Variants in KIFBP observed in about 807,000 individuals in gnomAD.
KIFBP encodes KIF-binding protein.
A neutral mutation model predicts 58.9 loss-of-function variants in KIFBP; 46 were observed. The observed-to-expected ratio is 0.78, with a 90% CI of 0.62 to 1.00. The LOEUF (loss-of-function observed/expected upper bound fraction) is 1.00. Among genes scored for constraint, KIFBP ranks in the 50% least tolerant of loss-of-function variants. The probability of loss-of-function intolerance (pLI) is 0.00; values close to 1 mark genes in which losing one functional copy is unlikely to be tolerated. For missense variants in KIFBP, 651 were observed against 752.9 expected, an observed-to-expected ratio of 0.86 and a Z score of 1.58; for synonymous variants, 241 against 283.4, an observed-to-expected ratio of 0.85 and a Z score of 1.50.
At position 68,989,206 on chromosome 10, in the gene KIFBP, T is replaced by C; in HGVS notation, c.374T>C (p.Leu125Pro). The change falls in exon 1 of 7, where the codon CTG becomes CCG. Residue 125 changes from leucine (L) to proline (P), a missense_variant. By Grantham distance (98) the Leu-to-Pro change is moderately conservative. Transcript: ENST00000361983. ...EEHLVKCLRL[L>P]RRYRLSHDCI... The stretch of plus-strand genomic sequence containing the variant: ...CACCTGGTGAAATGCCTGCGGCTGC[T>C]GCGCAGGTACCGGCTCTCGCACGAC... The C allele has an allele frequency of 6.2e-7, 1 of 1,613,658 alleles. No homozygotes were observed. The highest frequency in any genetic ancestry group is 1.3e-5 in the African/African-American group (1 of 75,074).
chr10:69,005,679 A>G (rs1843527298), intron 3 of KIFBP, 53 bp from the exon 4 acceptor site: 1 of 1,437,488 alleles, frequency 7.0e-7, no homozygotes, highest in South Asian at 1.2e-5. Context: ...TCTCAGGAAA[A>G]AAAAAAAACA....
chr10:69,008,708 C>A (rs1051098057), intron 4 of KIFBP, 133 bp from the exon 5 acceptor site: 1 of 753,118 alleles, frequency 1.3e-6, no homozygotes, highest in African/African-American at 1.7e-5. Context: ...TGATCTGCAA[C>A]TCTACAGGGC....
chr10:68,993,343 T>G (rs1350642691), intron 1 of KIFBP, among the ~76,000 whole-genome samples: 1 of 152,200 alleles, frequency 6.6e-6, no homozygotes, highest in Admixed American at 6.5e-5. Context: ...CACAGGACTT[T>G]TCTCTTTTCT....
At chr10:69,003,937 G>A (rs1843499662) in intron 2 of KIFBP, among the ~76,000 whole-genome samples, 1 of 152,036 alleles carries the variant, frequency 6.6e-6, no homozygotes, top group Admixed American at 6.6e-5. Context: ...TACTTAAAGA[G>A]GGGTCGGGCA....
intron 1 of KIFBP, among the ~76,000 whole-genome samples, chr10:68,999,563 G>A (rs530060743): frequency 1.3e-5 from 2 of 152,030 alleles, no homozygotes; most frequent in South Asian, 2.1e-4. Context: ...GCTGGGGCTC[G>A]CAGTAATACT....
intron 4 of KIFBP, among the ~76,000 whole-genome samples, chr10:69,008,391 A>AAAAAAAAAATATATATATATATATATAT: frequency 1.4e-5 from 1 of 71,590 alleles, no homozygotes; most frequent in African/African-American, 7.8e-5. Context: ...AAAAAAAAAA[A>AAAAAAAAAATATATATATATATATATAT]ATATATATAT....
chr10:69,016,376 C>CA lies in KIFBP; in HGVS notation c.1831dup (p.Met611AsnfsTer26). On this transcript the variant is annotated frameshift_variant, in exon 7 of 7. Coordinates refer to ENST00000361983, the MANE Select transcript of KIFBP (RefSeq NM_015634.4). LOFTEE classifies it high-confidence loss of function. ...AAAGAGATGGTTAGTCTTCTCCCAA[C>CA]AAAAATGGAGAGATTCAGAACCAAG... The CA allele has an allele frequency of 6.2e-7, 1 of 1,614,054 alleles. No homozygotes were observed. Among genetic ancestry groups the CA allele is most frequent in the Non-Finnish European group, 8.5e-7 (1 of 1,179,952 alleles).
intron 1 of KIFBP, among the ~76,000 whole-genome samples, chr10:68,997,875 G>A (rs987486281): frequency 4.6e-5 from 7 of 152,084 alleles, no homozygotes; most frequent in Admixed American, 2.6e-4. Context: ...CTCTATTTTT[G>A]GGACAGGGTT....
At chr10:68,999,209 T>C (rs570544005) in intron 1 of KIFBP, among the ~76,000 whole-genome samples, 7 of 152,018 alleles carry the variant, frequency 4.6e-5, no homozygotes, top group Non-Finnish European at 1.0e-4. Context: ...GCAGTTCTCG[T>C]GCCTCAGCCC....
At position 69,005,083 on chromosome 10, in the gene KIFBP, T is replaced by C; in HGVS notation, c.563T>C (p.Leu188Pro). 6.2e-7 allele frequency: 1 copy of C among 1,613,744 alleles called. No individual in the cohort carries two copies. Among genetic ancestry groups the C allele is most frequent in the South Asian group, 1.1e-5 (1 of 91,078 alleles). Residue 188 changes from leucine to proline, a missense_variant, in exon 3 of 7, where the codon CTT becomes CCT. By Grantham distance (98) the Leu-to-Pro change is moderately conservative. Transcript: ENST00000361983. ...CCTCTTGATCCTACTGAGCGTTTTC[T>C]TCCTGAAGAAGAGAAACTTACTGAA... is the stretch of plus-strand genomic sequence containing the variant. ...SPPLDPTERF[L>P]PEEEKLTEQE... is the part of the protein sequence containing the mutation.
chr10:69,005,909 C>G lies in KIFBP; in HGVS notation c.783C>G (p.Ile261Met). Residue 261 changes from isoleucine to methionine, a missense_variant, in exon 4 of 7, where the codon ATC (isoleucine) becomes ATG (methionine). By Grantham distance (10) the Ile-to-Met change is conservative. Coordinates refer to ENST00000361983, the MANE Select transcript of KIFBP (RefSeq NM_015634.4). ...INAATLSQFY[I>M]NKLCFMEARH... Reference sequence around the variant, plus strand: ...CTGCTACCTTGTCACAGTTTTACATCAATAAGGTAAGCTTCTTGAAGTAGT... The same window carrying G: ...CTGCTACCTTGTCACAGTTTTACATGAATAAGGTAAGCTTCTTGAAGTAGT... The G allele has an allele frequency of 6.2e-7, 1 of 1,613,448 alleles. No homozygotes were observed. The highest frequency in any genetic ancestry group is 2.2e-5 in the East Asian group (1 of 44,868).
intron 1 of KIFBP, among the ~76,000 whole-genome samples, chr10:68,998,750 C>CATATACGT (rs1263677032): frequency 1.5e-5 from 1 of 67,210 alleles, no homozygotes; most frequent in Non-Finnish European, 3.4e-5. Context: ...TACATACATA[C>CATATACGT]ATATATGTAT....
chr10:68,996,818 A>T (rs1036440050), intron 1 of KIFBP, among the ~76,000 whole-genome samples: 1 of 152,150 alleles, frequency 6.6e-6, no homozygotes. Context: ...GTGCCACTGC[A>T]CTCCAGCCTG....
At chr10:68,999,164 C>T (rs1843437471) in intron 1 of KIFBP, among the ~76,000 whole-genome samples, 1 of 151,970 alleles carries the variant, frequency 6.6e-6, no homozygotes, top group Non-Finnish European at 1.5e-5. Flanking sequence ...ATGGCACGAT[C>T]TCGGCTCACT....
Position 68,989,219 on chromosome 10 carries a change from G to A in KIFBP, c.387G>A (p.Arg129=), listed in dbSNP as rs756665117. 6.8e-6 allele frequency: 11 copies of A among 1,613,582 alleles called. No homozygotes were observed. The Admixed American group carries it at 1.3e-4, about 20-fold the overall frequency. The change falls in exon 1 of 7, where the codon CGG becomes CGA. Residue 129 remains arginine, a synonymous_variant. Coordinates refer to ENST00000361983, the MANE Select transcript of KIFBP (RefSeq NM_015634.4). ...VKCLRLLRRY[R]LSHDCISLCI... ...GCCTGCGGCTGCTGCGCAGGTACCG[G>A]CTCTCGCACGACTGCATCTCTCTCT...
intron 6 of KIFBP, chr10:69,011,326 A>G (rs1202088430): frequency 4.6e-6 from 1 of 216,862 alleles, no homozygotes; most frequent in African/African-American, 2.4e-5. Context: ...CTTAAATACT[A>G]CCTCTTCCTT....
At chr10:69,002,679 G>A (rs1212986404) in intron 2 of KIFBP, among the ~76,000 whole-genome samples, 11 of 147,272 alleles carry the variant, frequency 7.5e-5, no homozygotes, top group Non-Finnish European at 1.4e-4. Flanking sequence ...TGACTTAGAG[G>A]TTCAAAGATC....
At chr10:69,003,553 G>A (rs566841475) in intron 2 of KIFBP, among the ~76,000 whole-genome samples, 1 of 152,300 alleles carries the variant, frequency 6.6e-6, no homozygotes, top group Admixed American at 6.5e-5. Flanking sequence ...CAGAGGTTAG[G>A]TAGTTCTGTT....
chr10:68,991,225 A>C, intron 1 of KIFBP: 1 of 154,614 alleles, frequency 6.5e-6, no homozygotes, highest in Non-Finnish European at 1.4e-5. Flanking sequence ...TCCTTTACTT[A>C]CCAGCAGCTC....
Sources: allele counts gnomAD v4.1 joint callset (sites outside exome capture counted in the v4.1 genomes callset), GRCh38; gene constraint gnomAD v4.1.1; transcripts MANE v1.5; gene names NCBI Gene and HGNC (gene_info 2026-07-23, HGNC 2026-07-21).